MTARC1: variants seen among roughly 807,000 people sequenced by gnomAD.
MTARC1 encodes the protein mitochondrial amidoxime-reducing component 1.
MTARC1 carries 24 observed loss-of-function variants against 33.6 expected under a neutral mutation model. The ratio of observed to expected loss-of-function variants is 0.72; its 90% CI spans 0.52 to 1.01. MTARC1 has a LOEUF of 1.01. MTARC1 is among the 50% of genes least tolerant of loss of function. MTARC1 has a pLI of 0.00. For missense variants in MTARC1, 417 were observed against 445.7 expected (o/e 0.94, Z 0.58); for synonymous variants, 187 against 189.5 (o/e 0.99, Z 0.11).
At chr1:220,807,438 C>T (rs961813549) in intron 6 of MTARC1, among the ~76,000 whole-genome samples, 6 of 152,096 alleles carry the variant, frequency 3.9e-5, no homozygotes, top group Non-Finnish European at 8.8e-5. Context: ...CAAAACTTAG[C>T]TGGGCATGGT....
At chr1:220,801,966 C>CA (rs1672824385) in intron 4 of MTARC1, among the ~76,000 whole-genome samples, 1 of 152,078 alleles carries the variant, frequency 6.6e-6, no homozygotes. Context: ...ACAGTAGAGA[C>CA]AACCACCCTA....
intron 2 of MTARC1, among the ~76,000 whole-genome samples, chr1:220,792,236 A>T (rs192534266): frequency 3.9e-5 from 6 of 152,292 alleles, no homozygotes; most frequent in African/African-American, 1.4e-4. Flanking sequence ...TGGGGATGTA[A>T]CCCAGGAGGA....
At position 220,817,642 on chromosome 1, in the gene MTARC1, T is replaced by C. The variant is rs6673877; in HGVS notation, c.*4224T>C. On this transcript the variant is annotated 3_prime_UTR_variant, in exon 7 of 7. Transcript: ENST00000366910. ...CACAGAACACTGACTGGTGCATTTA[T>C]AATCCTCTAGCTAGAAAGAAAAGTT... is the stretch of plus-strand genomic sequence containing the variant. 44,165 of 151,756 alleles carry C rather than the reference T, an allele frequency of 0.29. 6,434 individuals are homozygous for C. Among genetic ancestry groups the C allele is most frequent in the Admixed American group, 0.31 (4,758 of 15,222 alleles). The allele number at this position is 151,756 out of a possible 1,614,324, so 9.4% of individuals were successfully genotyped here.
chr1:220,787,727 C>T (rs371634963), intron 1 of MTARC1, among the ~76,000 whole-genome samples: 38 of 152,218 alleles, frequency 2.5e-4, no homozygotes, highest in African/African-American at 8.4e-4. Flanking sequence ...CGGTGGCTCA[C>T]GCTTGTAATC....
rs1180343778 is a variant in MTARC1, at chr1:220,818,895, C to T, written c.*5477C>T. The T allele has an allele frequency of 6.6e-6, 1 of 152,342 alleles. No homozygotes were observed. Among genetic ancestry groups the T allele is most frequent in the East Asian group, 1.9e-4 (1 of 5,176 alleles). The allele number at this position is 152,342 out of a possible 1,614,324, so 9.4% of individuals were successfully genotyped here. On this transcript the variant is annotated 3_prime_UTR_variant, in exon 7 of 7. Transcript: ENST00000366910. ...AGGACGGCCGAGGACAGCTGGAGAGCTCTTCGTTGCAGGCAGCTCTGGTTA... is the reference window on the plus strand; with the variant it reads ...AGGACGGCCGAGGACAGCTGGAGAGTTCTTCGTTGCAGGCAGCTCTGGTTA...
intron 4 of MTARC1, among the ~76,000 whole-genome samples, chr1:220,799,353 T>A (rs1672716012): frequency 6.6e-6 from 1 of 152,152 alleles, no homozygotes; most frequent in African/African-American, 2.4e-5. Flanking sequence ...ACAAGAAATT[T>A]CTGCCTGTCC....
chr1:220,798,368 T>C, intron 4 of MTARC1: 2 of 1,196,986 alleles, frequency 1.7e-6, no homozygotes, highest in Non-Finnish European at 1.1e-6. Flanking sequence ...TGTTAAAGGA[T>C]GGTCTTACTG....
intron 4 of MTARC1, chr1:220,798,300 T>G: frequency 7.6e-7 from 1 of 1,309,646 alleles, no homozygotes; most frequent in South Asian, 1.4e-5. Context: ...CACATTTTCT[T>G]GCATAGACTA....
intron 1 of MTARC1, chr1:220,791,253 A>G (rs1453491202): frequency 5.2e-6 from 2 of 386,416 alleles, no homozygotes; most frequent in Non-Finnish European, 9.4e-6. Flanking sequence ...AAAGAGCTCA[A>G]ACTGTTCTCC....
chr1:220,789,881 G>A (rs979027176), intron 1 of MTARC1, among the ~76,000 whole-genome samples: 18 of 152,170 alleles, frequency 1.2e-4, no homozygotes, highest in African/African-American at 4.1e-4. Flanking sequence ...GAGACAAAGT[G>A]GATTAGATGT....
chr1:220,802,886 T>C (rs1672858337), intron 4 of MTARC1, among the ~76,000 whole-genome samples: 1 of 152,180 alleles, frequency 6.6e-6, no homozygotes, highest in Non-Finnish European at 1.5e-5. Flanking sequence ...CAGCGTGATC[T>C]CTCCCGCTCT....
At position 220,787,019 on chromosome 1, in the gene MTARC1, T is replaced by G; in HGVS notation, c.75T>G (p.Val25=). ...AATCCCGGCCCGGGTGGCTCGGGGT[T>G]GCCGCGCTGGGCCTGACCGCGGTGG... ...LAQSRPGWLG[V]AALGLTAVAL... The change falls in exon 1 of 7, where the codon GTT becomes GTG. Residue 25 remains valine (V), a synonymous_variant. Transcript: ENST00000366910. The G allele has an allele frequency of 1.6e-5, 21 of 1,318,700 alleles. No homozygotes were observed. The highest frequency in any genetic ancestry group is 1.9e-5 in the Non-Finnish European group (20 of 1,042,210). The allele number at this position is 1,318,700 out of a possible 1,614,324, so 81.7% of individuals were successfully genotyped here. A position where few individuals can be genotyped will look rare whatever the true frequency, so the allele number is the denominator to read the frequency against.
Position 220,787,188 on chromosome 1 carries a change from A to G in MTARC1, c.244A>G (p.Met82Val), listed in dbSNP as rs1331376126. 6.3e-7 allele frequency: 1 copy of G among 1,579,300 alleles called. No individual in the cohort carries two copies. The highest frequency in any genetic ancestry group is 8.6e-7 in the Non-Finnish European group (1 of 1,163,680). ...GGTGAGCGAGGCGGAGTGCACGGCC[A>G]TGGGGCTGCGCAGCGGCAACCTGCG... ...VPVSEAECTA[M>V]GLRSGNLRDR... The change falls in exon 1 of 7, where the codon ATG becomes GTG. Residue 82 changes from methionine (M) to valine (V), a missense_variant. Coordinates refer to ENST00000366910, the MANE Select transcript of MTARC1 (RefSeq NM_022746.4).
chr1:220,795,766 G>T (rs1672593236), intron 2 of MTARC1, among the ~76,000 whole-genome samples: 1 of 152,186 alleles, frequency 6.6e-6, no homozygotes. Context: ...GCCTACAGAG[G>T]TCTCTGGACC....
chr1:220,805,728 A>G (rs72472337), intron 6 of MTARC1, among the ~76,000 whole-genome samples: 5,064 of 152,294 alleles, frequency 0.033, 255 homozygotes, highest in African/African-American at 0.11. Context: ...AAAAAGGATA[A>G]ATGAGTACAT....
At chr1:220,798,187 T>A (rs1672682326) in intron 4 of MTARC1, 173 bp downstream of exon 4, 1 of 1,549,502 alleles carries the variant, frequency 6.5e-7, no homozygotes. Context: ...GACTTCTGTG[T>A]GGAGGATACA....
chr1:220,788,537 C>T (rs1672313159), intron 1 of MTARC1, among the ~76,000 whole-genome samples: 1 of 152,024 alleles, frequency 6.6e-6, no homozygotes, highest in Admixed American at 6.5e-5. Flanking sequence ...TTCTGTAATC[C>T]CAGCACTTTG....
intron 1 of MTARC1, among the ~76,000 whole-genome samples, chr1:220,789,056 T>A (rs78477874): frequency 0.21 from 31,026 of 150,260 alleles, 3,569 homozygotes; most frequent in East Asian, 0.45. Context: ...AGGTTGTGAC[T>A]AGACTAAACA....
chr1:220,796,537 A>G (rs1672622446), intron 2 of MTARC1, 106 bp from the exon 3 acceptor site: 1 of 1,279,512 alleles, frequency 7.8e-7, no homozygotes, highest in Non-Finnish European at 1.0e-6. Context: ...TTAAGAAATG[A>G]CAGTAATGTT....
Sources: allele counts gnomAD v4.1 joint callset (sites outside exome capture counted in the v4.1 genomes callset), GRCh38; gene constraint gnomAD v4.1.1; transcripts MANE v1.5; gene names NCBI Gene and HGNC (gene_info 2026-07-23, HGNC 2026-07-21).